The following R3HDM2 variants were observed in gnomAD, a reference collection of about 807,000 sequenced individuals.
R3HDM2 encodes R3H domain-containing protein 2.
Under a neutral mutation model 124.5 loss-of-function variants are expected in R3HDM2, and 38 were observed. The ratio of observed to expected loss-of-function variants is 0.31; its 90% confidence interval spans 0.24 to 0.40. The LOEUF (loss-of-function observed/expected upper bound fraction) is 0.40, where lower values mean the gene tolerates loss of function less well. Among genes scored for constraint, R3HDM2 ranks in the 10% least tolerant of loss-of-function variants. The pLI is 1.00. For synonymous variants in R3HDM2, 391 were observed against 448.0 expected, an observed-to-expected ratio of 0.87 and a Z score of 1.61; for missense variants, 869 against 1,236.9, an observed-to-expected ratio of 0.70 and a Z score of 4.46.
intron 11 of R3HDM2, 28 bp downstream of exon 11, chr12:57,292,544 G>A (rs932830231): frequency 2.1e-6 from 3 of 1,442,666 alleles, no homozygotes; most frequent in Admixed American, 2.0e-5. Context: ...AAAGCTATGG[G>A]CTGACAACTC....
At chr12:57,259,384 C>T (rs1378652748) in intron 19 of R3HDM2, among the ~76,000 whole-genome samples, 2 of 152,194 alleles carry the variant, frequency 1.3e-5, no homozygotes, top group Non-Finnish European at 2.9e-5. Context: ...GGTCAGATTG[C>T]TCAAATGTCT....
intron 1 of R3HDM2, among the ~76,000 whole-genome samples, chr12:57,410,209 GA>G (rs2068881159): frequency 6.7e-6 from 1 of 148,808 alleles, no homozygotes; most frequent in South Asian, 2.2e-4. Flanking sequence ...TCATTTAAAT[GA>G]ATTACTCAAC....
chr12:57,393,260 T>A (rs548293609), intron 2 of R3HDM2, among the ~76,000 whole-genome samples: 16 of 152,060 alleles, frequency 1.1e-4, no homozygotes, highest in Non-Finnish European at 1.8e-4. Context: ...CCCACCAATA[T>A]GCCCGGCTAA....
chr12:57,414,410 G>A (rs1202977223), intron 1 of R3HDM2, among the ~76,000 whole-genome samples: 1 of 141,068 alleles, frequency 7.1e-6, no homozygotes, highest in Non-Finnish European at 1.5e-5. Flanking sequence ...AGAACTGCTT[G>A]AACCTGGGAG....
Position 57,409,450 on chromosome 12 carries a change from T to C in R3HDM2, c.-105-13632A>G, listed in dbSNP as rs548129481. ...TACTACTAGATTTAAATAGAAGTTC[T>C]GTTAACTAACTGATAAAGTAGAGTG... On this transcript the variant is annotated intron_variant, in intron 1 of 23. Transcript: ENST00000402412. 2.0e-3 allele frequency among the ~76,000 whole-genome samples: 297 copies of C among 151,188 alleles called. 3 individuals are homozygous for C. The highest frequency in any genetic ancestry group is 6.4e-3 in the African/African-American group (264 of 41,174).
chr12:57,263,247 T>G (rs1002340166), intron 19 of R3HDM2, among the ~76,000 whole-genome samples: 3 of 152,262 alleles, frequency 2.0e-5, no homozygotes, highest in East Asian at 1.9e-4. Context: ...CAAGTATACC[T>G]ACATGTACAT....
intron 22 of R3HDM2, 86 bp from the exon 23 acceptor site, chr12:57,256,160 T>C: frequency 7.2e-7 from 1 of 1,383,114 alleles, no homozygotes; most frequent in Non-Finnish European, 1.0e-6. Context: ...GATTGTGGAG[T>C]AGCACCAACC....
intron 2 of R3HDM2, among the ~76,000 whole-genome samples, chr12:57,331,912 T>A (rs568115652): frequency 9.9e-4 from 138 of 139,514 alleles, no homozygotes; most frequent in African/African-American, 3.5e-3. Context: ...AGACTCTGTC[T>A]AAAAAAAAAA....
intron 2 of R3HDM2, among the ~76,000 whole-genome samples, chr12:57,342,493 CAG>C (rs1268266726): frequency 1.1e-5 from 1 of 92,372 alleles, no homozygotes; most frequent in South Asian, 6.4e-4. Context: ...CAGGCACACA[CAG>C]ACACACACAC....
chr12:57,427,117 A>C (rs528249515), intron 1 of R3HDM2, among the ~76,000 whole-genome samples: 1 of 151,968 alleles, frequency 6.6e-6, no homozygotes, highest in African/African-American at 2.4e-5. Flanking sequence ...ACGGTGAAAC[A>C]CCATCTCTAC....
chr12:57,326,858 G>T (rs930567312), intron 2 of R3HDM2, among the ~76,000 whole-genome samples: 1 of 152,036 alleles, frequency 6.6e-6, no homozygotes, highest in Non-Finnish European at 1.5e-5. Flanking sequence ...AAATCCTATG[G>T]CCTTAAGAAT....
chr12:57,274,358 C>T (rs1355308764), intron 14 of R3HDM2, among the ~76,000 whole-genome samples: 2 of 152,148 alleles, frequency 1.3e-5, no homozygotes, highest in African/African-American at 4.8e-5. Context: ...CCTGTAGTCC[C>T]AGCTACTCAG....
At chr12:57,316,097 A>G (rs1336066600) in intron 2 of R3HDM2, among the ~76,000 whole-genome samples, 1 of 152,206 alleles carries the variant, frequency 6.6e-6, no homozygotes, top group African/African-American at 2.4e-5. Context: ...ACCTGTCTCA[A>G]AAAAAATTTA....
chr12:57,271,878 AG>A (rs2043663189), intron 14 of R3HDM2, among the ~76,000 whole-genome samples: 3 of 151,822 alleles, frequency 2.0e-5, no homozygotes, highest in African/African-American at 7.3e-5. Context: ...GTGATACCAG[AG>A]AAGTCTGCAA....
At chr12:57,268,200 C>A (rs575034531) in intron 18 of R3HDM2, 103 bp downstream of exon 18, 1 of 1,337,054 alleles carries the variant, frequency 7.5e-7, no homozygotes, top group African/African-American at 1.5e-5. Flanking sequence ...CTACTGGGAT[C>A]TTTACCCCTG....
Position 57,412,510 on chromosome 12 carries a change from C to G in R3HDM2, c.-105-16692G>C, listed in dbSNP as rs538659124. On this transcript the variant is annotated intron_variant, in intron 1 of 23. Coordinates refer to ENST00000402412, the MANE Select transcript of R3HDM2 (RefSeq NM_001394031.1). ...CGAGCCAAGATCACACTACTGCACT[C>G]CAGCCTGGGCAACAGAGTGAGATTC... Among the ~76,000 whole-genome samples, 105 of 152,152 alleles carry G rather than the reference C, an allele frequency of 6.9e-4. 1 individual carries two copies. The Middle Eastern group carries it at 0.01, about 15-fold the overall frequency.
chr12:57,380,685 T>C (rs1414617453), intron 2 of R3HDM2, among the ~76,000 whole-genome samples: 2 of 152,114 alleles, frequency 1.3e-5, no homozygotes, highest in Non-Finnish European at 2.9e-5. Context: ...TCTTGGGCAC[T>C]GACAAAACAA....
chr12:57,405,846 G>T (rs1159961358), intron 1 of R3HDM2, among the ~76,000 whole-genome samples: 4 of 152,140 alleles, frequency 2.6e-5, no homozygotes, highest in Admixed American at 6.6e-5. Context: ...ACCAGGATTT[G>T]GGGGGCAATG....
chr12:57,298,055 AAC>A, intron 7 of R3HDM2, 33 bp downstream of exon 7: 1 of 1,466,870 alleles, frequency 6.8e-7, no homozygotes, highest in Non-Finnish European at 9.3e-7. Context: ...GCTATCCCCT[AAC>A]CCCTTTTCCT....
Sources: gnomAD v4.1 joint callset for allele counts (sites outside exome capture counted in the v4.1 genomes callset) on GRCh38, gnomAD v4.1.1 for gene constraint, MANE v1.5 for transcripts, NCBI Gene and HGNC (gene_info 2026-07-23, HGNC 2026-07-21) for gene names.